TUSC7: variants seen among roughly 807,000 people sequenced by gnomAD.
TUSC7 encodes the protein LSAMP antisense RNA 3.
At chr3:116,715,875 C>T (rs537499415) in intron 1 of TUSC7, among the ~76,000 whole-genome samples, 22 of 152,094 alleles carry the variant, frequency 1.4e-4, no homozygotes, top group Non-Finnish European at 2.4e-4. Flanking sequence ...GTAATAAAGC[C>T]GACATATGTA....
intron 1 of TUSC7, among the ~76,000 whole-genome samples, chr3:116,710,963 G>A (rs532107660): frequency 2.6e-5 from 4 of 152,202 alleles, no homozygotes; most frequent in Admixed American, 2.6e-4. Context: ...AAGGTCACAT[G>A]GCTAGATAAG....
At chr3:116,714,634 G>C (rs1005947775) in intron 1 of TUSC7, among the ~76,000 whole-genome samples, 2 of 152,112 alleles carry the variant, frequency 1.3e-5, no homozygotes, top group African/African-American at 4.8e-5. Context: ...CCAACTGTAT[G>C]ACAGAGCAGT....
chr3:116,709,854 C>T (rs191314852), exon 1 of TUSC7: 1 of 152,182 alleles, frequency 6.6e-6, no homozygotes, highest in East Asian at 1.9e-4. Context: ...AGACTTAAGA[C>T]ATGGAGATAT....
At chr3:116,709,931 G>A (rs2051449636) in intron 1 of TUSC7, 1 of 152,078 alleles carries the variant, frequency 6.6e-6, no homozygotes, top group Admixed American at 6.6e-5. Flanking sequence ...GTCCTAAAAT[G>A]TAGGTAGAGA....
intron 1 of TUSC7, chr3:116,710,132 A>G (rs2051450950): frequency 1.3e-5 from 2 of 152,168 alleles, no homozygotes; most frequent in African/African-American, 4.8e-5. Context: ...TCTAATTTTA[A>G]AATAGTTTCC....
chr3:116,715,918 T>A (rs943099562), intron 1 of TUSC7, among the ~76,000 whole-genome samples: 3 of 152,202 alleles, frequency 2.0e-5, no homozygotes, highest in Non-Finnish European at 2.9e-5. Flanking sequence ...GATTTTATAA[T>A]ATTTTACTCC....
chr3:116,713,374 C>A (rs540895158), intron 1 of TUSC7, among the ~76,000 whole-genome samples: 1 of 152,168 alleles, frequency 6.6e-6, no homozygotes, highest in African/African-American at 2.4e-5. Context: ...TAATGCAAGA[C>A]GTTGAGACCC....
At chr3:116,714,883 G>A (rs1256928381) in intron 1 of TUSC7, among the ~76,000 whole-genome samples, 1 of 152,104 alleles carries the variant, frequency 6.6e-6, no homozygotes, top group Admixed American at 6.5e-5. Context: ...TCTTGGTTTT[G>A]TGCATTCCAT....
At chr3:116,713,699 C>T (rs1328089546) in intron 1 of TUSC7, among the ~76,000 whole-genome samples, 1 of 152,176 alleles carries the variant, frequency 6.6e-6, no homozygotes, top group African/African-American at 2.4e-5. Flanking sequence ...GACTTGGGGG[C>T]TCACGCCTGT....
chr3:116,710,973 G>A (rs1008922119), intron 1 of TUSC7, among the ~76,000 whole-genome samples: 2 of 152,100 alleles, frequency 1.3e-5, no homozygotes, highest in Non-Finnish European at 1.5e-5. Context: ...GGCTAGATAA[G>A]CTAAAACCCA....
At chr3:116,711,538 T>A (rs1014088268) in intron 1 of TUSC7, among the ~76,000 whole-genome samples, 17 of 152,200 alleles carry the variant, frequency 1.1e-4, no homozygotes, top group Non-Finnish European at 2.1e-4. Flanking sequence ...CATTCTATGA[T>A]GTAGTCCCAT....
chr3:116,714,915 A>G (rs961780404), intron 1 of TUSC7, among the ~76,000 whole-genome samples: 1 of 151,426 alleles, frequency 6.6e-6, no homozygotes, highest in Non-Finnish European at 1.5e-5. Context: ...AATAACATAT[A>G]TGACATATCT....
chr3:116,716,729 T>C (rs1477211217), intron 1 of TUSC7: 1 of 152,148 alleles, frequency 6.6e-6, no homozygotes, highest in Non-Finnish European at 1.5e-5. Context: ...CAGTTCCCTC[T>C]TGTAGAGCCA....
intron 1 of TUSC7, among the ~76,000 whole-genome samples, chr3:116,711,127 T>G (rs2051458551): frequency 6.6e-6 from 1 of 152,224 alleles, no homozygotes; most frequent in African/African-American, 2.4e-5. Flanking sequence ...CTTTGTACTC[T>G]GACTAGGCCA....
At chr3:116,712,095 G>T (rs1310134281) in intron 1 of TUSC7, among the ~76,000 whole-genome samples, 1 of 152,146 alleles carries the variant, frequency 6.6e-6, no homozygotes, top group South Asian at 2.1e-4. Flanking sequence ...ATAACTAAAA[G>T]CATTTTCAAG....
intron 1 of TUSC7, chr3:116,716,427 G>T (rs949576197): frequency 1.3e-5 from 2 of 152,118 alleles, no homozygotes; most frequent in Non-Finnish European, 2.9e-5. Context: ...GGAAACATGA[G>T]GCCTATTTCT....
At chr3:116,711,477 C>A (rs558166890) in intron 1 of TUSC7, among the ~76,000 whole-genome samples, 2 of 152,160 alleles carry the variant, frequency 1.3e-5, no homozygotes, top group African/African-American at 4.8e-5. Flanking sequence ...TTTATTTTTT[C>A]TTTCTCCCAC....
intron 1 of TUSC7, chr3:116,710,035 A>T (rs929161515): frequency 2.6e-5 from 4 of 152,166 alleles, no homozygotes; most frequent in Non-Finnish European, 5.9e-5. Flanking sequence ...CTGTACCCAC[A>T]GATCATGCTC....
At chr3:116,715,011 G>GACAACCACTC (rs1453916072) in intron 1 of TUSC7, among the ~76,000 whole-genome samples, 1 of 152,066 alleles carries the variant, frequency 6.6e-6, no homozygotes, top group African/African-American at 2.4e-5. Context: ...CCAAACCCTT[G>GACAACCACTC]ACAACCACTC....
Sources: allele counts gnomAD v4.1 joint callset (sites outside exome capture counted in the v4.1 genomes callset), GRCh38; gene constraint gnomAD v4.1.1; transcripts MANE v1.5; gene names NCBI Gene and HGNC (gene_info 2026-07-23, HGNC 2026-07-21).